CREBBP: variants seen among roughly 807,000 people sequenced by gnomAD.
CREBBP encodes CREB-binding protein.
In CREBBP, 19 loss-of-function variants were observed where a neutral mutation model predicts 265.0. That is an observed-to-expected ratio of 0.07 (90% CI 0.05 to 0.11). CREBBP has a LOEUF of 0.11. CREBBP is among the 10% of genes least tolerant of loss of function. CREBBP has a pLI of 1.00. For missense variants in CREBBP, 2,525 were observed against 3,219.0 expected (o/e 0.78, Z 5.22); for synonymous variants, 1,457 against 1,223.7 (o/e 1.19, Z -3.98).
At chr16:3,768,720 C>G (rs1358029771) in intron 15 of CREBBP, among the ~76,000 whole-genome samples, 1 of 152,128 alleles carries the variant, frequency 6.6e-6, no homozygotes, top group Non-Finnish European at 1.5e-5. Flanking sequence ...CAAGAAAAGC[C>G]AGAAATCTAG....
intron 1 of CREBBP, among the ~76,000 whole-genome samples, chr16:3,869,255 G>C (rs904437150): frequency 2.0e-5 from 3 of 152,182 alleles, no homozygotes; most frequent in Non-Finnish European, 2.9e-5. Context: ...GCAGTTACCT[G>C]TCCAGTATCC....
chr16:3,745,352 A>G lies in CREBBP; in HGVS notation c.3839T>C (p.Phe1280Ser). 2 of 1,614,006 alleles carry G rather than the reference A, an allele frequency of 1.2e-6. No individual in the cohort carries two copies. Among genetic ancestry groups the G allele is most frequent in the Non-Finnish European group, 1.7e-6 (2 of 1,179,950 alleles). The change falls in exon 22 of 31, where the codon TTC becomes TCC. Residue 1280 changes from phenylalanine (F) to serine (S), a missense_variant and splice_region_variant. By Grantham distance (155) the Phe-to-Ser change is radical. Coordinates refer to ENST00000262367, the MANE Select transcript of CREBBP (RefSeq NM_004380.3). ...CCGGCCACACTCCTTGCAATCAACG[A>G]AACTAGGAGGCAAAGAAGGCGCACT... is the stretch of plus-strand genomic sequence containing the variant. ...KKNDTLDPEP[F>S]VDCKECGRKM... is the part of the protein sequence containing the mutation.
chr16:3,828,666 G>C (rs752547031), intron 2 of CREBBP, among the ~76,000 whole-genome samples: 1 of 152,150 alleles, frequency 6.6e-6, no homozygotes, highest in Non-Finnish European at 1.5e-5. Context: ...ATCATAGTTT[G>C]AATACAGCTG....
intron 3 of CREBBP, among the ~76,000 whole-genome samples, chr16:3,802,722 A>C (rs1225137447): frequency 3.9e-5 from 6 of 152,130 alleles, no homozygotes; most frequent in Non-Finnish European, 1.5e-5. Context: ...AAGGAAGGAC[A>C]GTGTCACCCC....
At chr16:3,824,119 G>A (rs961253011) in intron 2 of CREBBP, among the ~76,000 whole-genome samples, 1 of 152,228 alleles carries the variant, frequency 6.6e-6, no homozygotes, top group Non-Finnish European at 1.5e-5. Flanking sequence ...AATCAGACAT[G>A]TGCGGTTAAC....
At chr16:3,737,085 A>C (rs1364980974) in intron 26 of CREBBP, 6 of 543,144 alleles carry the variant, frequency 1.1e-5, no homozygotes, top group African/African-American at 3.8e-5. Flanking sequence ...AGGCCTCATT[A>C]AAGAACCAGG....
At chr16:3,825,902 G>A (rs1373249259) in intron 2 of CREBBP, among the ~76,000 whole-genome samples, 1 of 152,206 alleles carries the variant, frequency 6.6e-6, no homozygotes, top group Non-Finnish European at 1.5e-5. Flanking sequence ...AAATCTTTAT[G>A]TATGAATTTT....
At chr16:3,851,155 G>C (rs1597055207) in intron 1 of CREBBP, 146 bp from the exon 2 acceptor site, 1 of 727,648 alleles carries the variant, frequency 1.4e-6, no homozygotes, top group Non-Finnish European at 2.4e-6. Flanking sequence ...GGGTGTGGTA[G>C]CGCATGCCTG....
At chr16:3,827,573 A>G (rs1278300753) in intron 2 of CREBBP, among the ~76,000 whole-genome samples, 1 of 151,172 alleles carries the variant, frequency 6.6e-6, no homozygotes, top group African/African-American at 2.4e-5. Context: ...TTATATTTTT[A>G]GTGGAGACGG....
At chr16:3,761,896 G>A (rs2052728155) in intron 16 of CREBBP, among the ~76,000 whole-genome samples, 1 of 152,194 alleles carries the variant, frequency 6.6e-6, no homozygotes, top group African/African-American at 2.4e-5. Flanking sequence ...TGATTTCTCT[G>A]AATGAGGGGT....
At chr16:3,868,262 TAAA>T (rs571069387) in intron 1 of CREBBP, among the ~76,000 whole-genome samples, 1 of 152,070 alleles carries the variant, frequency 6.6e-6, no homozygotes, top group African/African-American at 2.4e-5. Flanking sequence ...CACAAGAACT[TAAA>T]AAAACTTTTA....
intron 16 of CREBBP, among the ~76,000 whole-genome samples, chr16:3,762,432 C>T (rs533072634): frequency 3.0e-4 from 42 of 141,760 alleles, no homozygotes; most frequent in Non-Finnish European, 5.9e-4. Context: ...GGTGCAATCT[C>T]GGCCCCCAAA....
At chr16:3,735,732 CCTCGA>C (rs1378395866) in intron 28 of CREBBP, among the ~76,000 whole-genome samples, 1 of 152,162 alleles carries the variant, frequency 6.6e-6, no homozygotes, top group African/African-American at 2.4e-5. Context: ...CCCTGTGCCT[CCTCGA>C]CTCACTTTTT....
At chr16:3,867,339 A>C (rs1030154133) in intron 1 of CREBBP, among the ~76,000 whole-genome samples, 19 of 152,038 alleles carry the variant, frequency 1.2e-4, no homozygotes, top group African/African-American at 3.9e-4. Flanking sequence ...AAAATAATAA[A>C]AAATTATCTG....
rs769885422 is a variant in CREBBP, at chr16:3,728,510, G to A, written c.6537C>T (p.Asn2179=). The stretch of plus-strand genomic sequence containing the variant: ...GTGGATTCATACTCGCCATGTTGGG[G>A]TTGTGTCCTGGGTTCATGATGTTCA... ...QALNIMNPGH[N]PNMASMNPQY... Residue 2179 remains asparagine (N), a synonymous_variant, in exon 31 of 31, where the codon AAC becomes AAT. Transcript: ENST00000262367. This position sits in a 1 kb window ranked among gnomAD's most constrained non-coding sequence, Gnocchi z 8.7. The A allele has an allele frequency of 6.2e-7, 1 of 1,614,066 alleles. No individual in the cohort carries two copies. The highest frequency in any genetic ancestry group is 8.5e-7 in the Non-Finnish European group (1 of 1,180,014).
chr16:3,786,613 C>T (rs1364288038), intron 5 of CREBBP, among the ~76,000 whole-genome samples: 1 of 152,154 alleles, frequency 6.6e-6, no homozygotes, highest in Non-Finnish European at 1.5e-5. Context: ...GAGAGTGAGC[C>T]ACGGGGTCAC....
chr16:3,740,618 G>A (rs2052180440), intron 23 of CREBBP, 69 bp from the exon 24 acceptor site: 2 of 1,564,690 alleles, frequency 1.3e-6, no homozygotes, highest in Non-Finnish European at 1.8e-6. Flanking sequence ...TGAGACTAGA[G>A]AATCCACCCC....
chr16:3,836,457 A>C (rs1271096909), intron 2 of CREBBP, among the ~76,000 whole-genome samples: 2 of 151,730 alleles, frequency 1.3e-5, no homozygotes, highest in Non-Finnish European at 2.9e-5. Flanking sequence ...AAAGAAAAAA[A>C]AGAAAAAAAA....
intron 23 of CREBBP, chr16:3,742,701 T>C (rs1043552915): frequency 2.0e-5 from 3 of 152,156 alleles, no homozygotes; most frequent in Admixed American, 6.5e-5. Flanking sequence ...TGGTTTTCAA[T>C]GCAAGATTAA....
Sources: gnomAD v4.1 joint callset for allele counts (sites outside exome capture counted in the v4.1 genomes callset) on GRCh38, gnomAD v4.1.1 for gene constraint, Gnocchi (gnomAD v3.1) non-coding constraint, MANE v1.5 for transcripts, NCBI Gene and HGNC (gene_info 2026-07-23, HGNC 2026-07-21) for gene names.